PRKCQ: variants seen among roughly 807,000 people sequenced by gnomAD.
The protein encoded by PRKCQ is protein kinase C theta.
In PRKCQ, 41 loss-of-function variants were observed where a neutral mutation model predicts 91.2. The observed-to-expected ratio is 0.45, with a 90% CI of 0.35 to 0.58. The LOEUF is 0.58. Among genes scored for constraint, PRKCQ ranks in the 20% least tolerant of loss-of-function variants. The probability of loss-of-function intolerance (pLI) is 0.00; values close to 1 mark genes in which losing one functional copy is unlikely to be tolerated. For missense variants in PRKCQ, 673 were observed against 896.5 expected (o/e 0.75, Z 3.18); for synonymous variants, 307 against 316.9 (o/e 0.97, Z 0.33).
intron 2 of PRKCQ, among the ~76,000 whole-genome samples, chr10:6,511,503 C>T (rs1401659406): frequency 6.6e-6 from 1 of 152,200 alleles, no homozygotes; most frequent in Non-Finnish European, 1.5e-5. Context: ...GCTCACCGCA[C>T]AGAAAGCCAA....
Position 6,471,126 on chromosome 10 carries a change from G to GA in PRKCQ, c.1354-6723_1354-6722insT, listed in dbSNP as rs572671828. On this transcript the variant is annotated intron_variant, in intron 12 of 17. Coordinates refer to ENST00000263125, the MANE Select transcript of PRKCQ (RefSeq NM_006257.5). ...CCTGAGTTAGCCAGTATGATCTACA[G>GA]TCAGACCATTTATCTTTCTTTTTCT... Among the ~76,000 whole-genome samples, 815 of 152,276 alleles carry GA rather than the reference G, an allele frequency of 5.4e-3. 7 individuals carry two copies. The highest frequency in any genetic ancestry group is 0.018 in the African/African-American group (767 of 41,536).
intron 11 of PRKCQ, among the ~76,000 whole-genome samples, chr10:6,479,577 A>G (rs553774608): frequency 4.6e-5 from 7 of 152,072 alleles, no homozygotes; most frequent in Non-Finnish European, 8.8e-5. Flanking sequence ...TTTACGTTTT[A>G]CCCAGTTTTT....
intron 12 of PRKCQ, among the ~76,000 whole-genome samples, chr10:6,467,632 A>C (rs1268038588): frequency 1.3e-5 from 2 of 152,156 alleles, no homozygotes; most frequent in Non-Finnish European, 2.9e-5. Flanking sequence ...GCCGACTGTC[A>C]ACAACTCCTG....
Position 6,428,006 on chromosome 10 carries a change from G to A in PRKCQ, c.*201C>T. On this transcript the variant is annotated 3_prime_UTR_variant, in exon 18 of 18. Coordinates refer to ENST00000263125, the MANE Select transcript of PRKCQ (RefSeq NM_006257.5). ...GGAGCGTCTGTGAGACATGTCAGGA[G>A]ACGAGACACACGGCATCGTCATTAG... The A allele has an allele frequency of 3.2e-6, 2 of 620,888 alleles. No homozygotes were observed. The highest frequency in any genetic ancestry group is 2.0e-5 in the South Asian group (1 of 50,676). The allele number at this position is 620,888 out of a possible 1,614,324, so 38.5% of individuals were successfully genotyped here. A position where few individuals can be genotyped will look rare whatever the true frequency, so the allele number is the denominator to read the frequency against.
chr10:6,555,335 T>C (rs947855300), intron 1 of PRKCQ, among the ~76,000 whole-genome samples: 4 of 152,156 alleles, frequency 2.6e-5, no homozygotes, highest in Admixed American at 1.3e-4. Context: ...TCACCCATAA[T>C]AGACATTAAC....
chr10:6,507,135 A>T (rs1351729292), intron 4 of PRKCQ, among the ~76,000 whole-genome samples: 1 of 152,244 alleles, frequency 6.6e-6, no homozygotes, highest in East Asian at 1.9e-4. Context: ...ACACATCAAC[A>T]GTCTTTTGTA....
At chr10:6,575,196 C>T (rs559196707) in intron 1 of PRKCQ, among the ~76,000 whole-genome samples, 8 of 152,262 alleles carry the variant, frequency 5.3e-5, no homozygotes, top group Non-Finnish European at 1.0e-4. Context: ...ATTATAATTT[C>T]CTATTTGCCT....
the PRKCQ span, among the ~76,000 whole-genome samples, chr10:6,404,746 C>T: frequency 7.2e-6 from 1 of 139,440 alleles, no homozygotes; most frequent in East Asian, 2.0e-4. Flanking sequence ...TTCCTTCCTC[C>T]CTTCCCTTCC....
intron 1 of PRKCQ, among the ~76,000 whole-genome samples, chr10:6,551,803 T>C (rs1448656793): frequency 3.3e-5 from 5 of 152,260 alleles, no homozygotes; most frequent in Admixed American, 1.3e-4. Flanking sequence ...GTCTTTATGA[T>C]AGAACGATTT....
At chr10:6,487,724 G>A (rs367675462) in intron 8 of PRKCQ, among the ~76,000 whole-genome samples, 3 of 152,212 alleles carry the variant, frequency 2.0e-5, no homozygotes, top group South Asian at 2.1e-4. Context: ...AAGGCCAGGC[G>A]TGGTGGCTCA....
intron 1 of PRKCQ, among the ~76,000 whole-genome samples, chr10:6,527,657 C>T (rs1018240148): frequency 6.6e-6 from 1 of 152,242 alleles, no homozygotes; most frequent in South Asian, 2.1e-4. Context: ...TTCTTTTTCC[C>T]CAGGAGACAG....
chr10:6,536,837 A>T (rs1319258759), intron 1 of PRKCQ, among the ~76,000 whole-genome samples: 2 of 152,264 alleles, frequency 1.3e-5, no homozygotes, highest in Non-Finnish European at 2.9e-5. Flanking sequence ...AATTAAAAAC[A>T]GCCAGAGCAT....
In PRKCQ at chr10:6,479,245, C is replaced by T. The variant is rs1019594151; in HGVS notation, c.1180-80G>A. On this transcript the variant is annotated intron_variant, in intron 11 of 17. Transcript: ENST00000263125. ...AAAAAAGAGACAGAGTCCTGAGAGA[C>T]ACCTGTGTTGGGTGGGAAAAGGGGT... 90 of 1,524,196 alleles carry T rather than the reference C, an allele frequency of 5.9e-5. No homozygotes were observed. In the Middle Eastern group the frequency reaches 2.4e-3, roughly 41 times the overall value. 94.4% of individuals were successfully genotyped at this position (1,524,196 alleles called of 1,614,324 possible).
chr10:6,521,200 G>A (rs1432615108), intron 1 of PRKCQ, among the ~76,000 whole-genome samples: 1 of 152,172 alleles, frequency 6.6e-6, no homozygotes, highest in Non-Finnish European at 1.5e-5. Context: ...TGCCTCCAGA[G>A]CTGATCCCCC....
chr10:6,420,586 T>C, the PRKCQ span, among the ~76,000 whole-genome samples: 2 of 152,230 alleles, frequency 1.3e-5, no homozygotes, highest in African/African-American at 2.4e-5. Flanking sequence ...AGGCAGAGGA[T>C]AATTTTTTTG....
At chr10:6,573,994 T>C (rs1478540620) in intron 1 of PRKCQ, among the ~76,000 whole-genome samples, 5 of 152,190 alleles carry the variant, frequency 3.3e-5, no homozygotes, top group Admixed American at 3.3e-4. Context: ...CATGCAACTG[T>C]AGTCCCAGCT....
At chr10:6,395,056 C>CT in the PRKCQ span, among the ~76,000 whole-genome samples, 19,836 of 65,674 alleles carry the variant, frequency 0.3, 2,351 homozygotes, top group Admixed American at 0.33. Context: ...AAGCTGGAGT[C>CT]TTTTTTTTTT....
At chr10:6,407,875 A>G in the PRKCQ span, among the ~76,000 whole-genome samples, 1 of 152,048 alleles carries the variant, frequency 6.6e-6, no homozygotes, top group Non-Finnish European at 1.5e-5. The surrounding 1 kb of genome is among the most constrained non-coding windows in gnomAD (Gnocchi z 4.0). Context: ...TAAAATCCTT[A>G]TGTGTATTTG....
chr10:6,565,886 G>A (rs1290291721), intron 1 of PRKCQ, among the ~76,000 whole-genome samples: 1 of 152,204 alleles, frequency 6.6e-6, no homozygotes, highest in Non-Finnish European at 1.5e-5. Context: ...TCCTATGCAA[G>A]AGTTATTTAT....
Sources: allele counts gnomAD v4.1 joint callset (sites outside exome capture counted in the v4.1 genomes callset), GRCh38; gene constraint gnomAD v4.1.1; non-coding constraint Gnocchi (gnomAD v3.1); transcripts MANE v1.5; gene names NCBI Gene and HGNC (gene_info 2026-07-23, HGNC 2026-07-21).